The following CDH6 variants were observed in gnomAD, a reference collection of about 807,000 sequenced individuals.
The protein encoded by CDH6 is cadherin 6.
In CDH6, 31 loss-of-function variants were observed where a neutral mutation model predicts 78.0. The observed-to-expected ratio is 0.40, with a 90% CI of 0.30 to 0.54. The LOEUF (loss-of-function observed/expected upper bound fraction) is 0.54, where lower values mean the gene tolerates loss of function less well. Among genes scored for constraint, CDH6 ranks in the 20% least tolerant of loss-of-function variants. The probability of loss-of-function intolerance (pLI) is 0.56; values close to 1 mark genes in which losing one functional copy is unlikely to be tolerated. For missense variants in CDH6, 724 were observed against 975.9 expected (o/e 0.74, Z 3.44); for synonymous variants, 376 against 368.8 (o/e 1.02, Z -0.23).
intron 6 of CDH6, among the ~76,000 whole-genome samples, chr5:31,302,904 AAAG>A (rs1459647828): frequency 3.0e-5 from 1 of 33,154 alleles, no homozygotes; most frequent in African/African-American, 1.4e-4. Context: ...AGAAAGAAAA[AAAG>A]AAAGAAAGAA....
intron 2 of CDH6, among the ~76,000 whole-genome samples, chr5:31,274,084 A>G (rs1460706892): frequency 3.3e-5 from 5 of 152,212 alleles, no homozygotes; most frequent in South Asian, 2.1e-4. Flanking sequence ...TTATGTTTCT[A>G]TGAGTTAGCA....
intron 1 of CDH6, among the ~76,000 whole-genome samples, chr5:31,240,155 C>T (rs954889250): frequency 6.6e-6 from 1 of 152,102 alleles, no homozygotes; most frequent in Non-Finnish European, 1.5e-5. Flanking sequence ...AGATCCATTC[C>T]ACACTTGAGC....
At position 31,267,720 on chromosome 5, in the gene CDH6, C is replaced by T. The variant is rs774215804; in HGVS notation, c.228+19C>T. The T allele has an allele frequency of 1.9e-6, 3 of 1,570,574 alleles. No individual in the cohort carries two copies. Among genetic ancestry groups the T allele is most frequent in the Non-Finnish European group, 2.6e-6 (3 of 1,140,492 alleles). On this transcript the variant is annotated intron_variant, in intron 2 of 11. Transcript: ENST00000265071. The stretch of plus-strand genomic sequence containing the variant: ...GGGCAAGGTAGGATTCCTTTGAGTG[C>T]TTTGACATTCTGGGTTTAAAGCCTG...
In CDH6 at chr5:31,305,655, G is replaced by T. The variant is rs1185163333; in HGVS notation, c.1253+228G>T. ...TTTATCCCTGGGGGATTGGTTCCAG[G>T]CCCACCCCCATATTAAAATTCACAA... On this transcript the variant is annotated intron_variant, in intron 7 of 11. Transcript: ENST00000265071. Among the ~76,000 whole-genome samples the T allele has an allele frequency of 4.6e-5, 7 of 151,944 alleles. No individual in the cohort carries two copies. The East Asian group carries it at 1.4e-3, about 29-fold the overall frequency.
chr5:31,292,936 T>C (rs1230504109), intron 2 of CDH6, among the ~76,000 whole-genome samples: 4 of 150,890 alleles, frequency 2.7e-5, no homozygotes, highest in Admixed American at 2.6e-4. Context: ...CATCTAAAGG[T>C]ATCATCTAAC....
In CDH6 at chr5:31,261,875, C is replaced by A. The variant is rs115397114; in HGVS notation, c.-128-5471C>A. Among the ~76,000 whole-genome samples, 1,407 of 152,186 alleles carry A rather than the reference C, an allele frequency of 9.2e-3. 21 individuals are homozygous for A. Among genetic ancestry groups the A allele is most frequent in the African/African-American group, 0.032 (1,314 of 41,510 alleles). On this transcript the variant is annotated intron_variant, in intron 1 of 11. Transcript: ENST00000265071. ...AACCAGATAATACATTTGAGTCATT[C>A]AAACTGCTATCAAACATGTCACCAG... is the stretch of plus-strand genomic sequence containing the variant.
chr5:31,323,341 T>C lies in CDH6; in HGVS notation c.*33T>C. ...CCTTTTTCATTTTCCAATACGACAC[T>C]GAAATATGTGAAGTGGCTATTTCTT... On this transcript the variant is annotated 3_prime_UTR_variant, in exon 12 of 12. Transcript: ENST00000265071. 1 of 1,582,298 alleles carries C rather than the reference T, an allele frequency of 6.3e-7. No individual in the cohort carries two copies. The highest frequency in any genetic ancestry group is 8.6e-7 in the Non-Finnish European group (1 of 1,160,488).
rs2149963871 is a variant in CDH6, at chr5:31,326,636, A to G, written c.*3328A>G. The G allele has an allele frequency of 6.5e-6, 1 of 154,880 alleles. No individual in the cohort carries two copies. Among genetic ancestry groups the G allele is most frequent in the Middle Eastern group, 2.6e-3 (1 of 378 alleles). 9.6% of individuals were successfully genotyped at this position (154,880 alleles called of 1,614,324 possible). ...ACGCAGTATAAAAAACGTGTGGTTT[A>G]GTTTTTATTTTCAGCTCCCAAAGAG... On this transcript the variant is annotated 3_prime_UTR_variant, in exon 12 of 12. Coordinates refer to ENST00000265071, the MANE Select transcript of CDH6 (RefSeq NM_004932.4).
intron 7 of CDH6, among the ~76,000 whole-genome samples, chr5:31,311,225 C>T (rs1028394416): frequency 1.2e-4 from 19 of 152,308 alleles, no homozygotes; most frequent in African/African-American, 2.9e-4. Context: ...TCATCTCTCT[C>T]GAGTTCAAAG....
At chr5:31,217,004 C>T (rs1443584774) in intron 1 of CDH6, among the ~76,000 whole-genome samples, 1 of 152,058 alleles carries the variant, frequency 6.6e-6, no homozygotes, top group Non-Finnish European at 1.5e-5. Flanking sequence ...GTTGTGCTCT[C>T]TGAGCAGAGG....
intron 8 of CDH6, among the ~76,000 whole-genome samples, chr5:31,315,360 C>T (rs1738288870): frequency 6.6e-6 from 1 of 152,160 alleles, no homozygotes; most frequent in Non-Finnish European, 1.5e-5. Context: ...GTATTAGATG[C>T]TCACTAAATA....
intron 2 of CDH6, among the ~76,000 whole-genome samples, chr5:31,291,386 A>G (rs961999962): frequency 2.6e-5 from 4 of 152,236 alleles, no homozygotes; most frequent in African/African-American, 9.6e-5. Flanking sequence ...TTTGTAATCT[A>G]TAAGACCCAT....
chr5:31,293,129 GTCATCAGAGTC>G (rs1371380657), intron 2 of CDH6, among the ~76,000 whole-genome samples: 1 of 151,842 alleles, frequency 6.6e-6, no homozygotes, highest in East Asian at 1.9e-4. Flanking sequence ...CTGACAGTTA[GTCATCAGAGTC>G]TCTGCTTGAT....
chr5:31,321,438 A>G (rs1738476085), intron 11 of CDH6, among the ~76,000 whole-genome samples: 1 of 152,166 alleles, frequency 6.6e-6, no homozygotes, highest in Non-Finnish European at 1.5e-5. Flanking sequence ...CTGAATTTGA[A>G]TTGCATGTAC....
intron 3 of CDH6, among the ~76,000 whole-genome samples, chr5:31,296,235 A>T (rs1044594577): frequency 2.0e-5 from 3 of 152,204 alleles, no homozygotes; most frequent in Admixed American, 2.0e-4. Flanking sequence ...TGATACAAAT[A>T]ACAAAAAACA....
intron 2 of CDH6, among the ~76,000 whole-genome samples, chr5:31,290,683 C>A (rs756643506): frequency 6.6e-6 from 1 of 152,106 alleles, no homozygotes; most frequent in Non-Finnish European, 1.5e-5. Context: ...AAGAAAAGAA[C>A]TGGCCCCAGG....
chr5:31,314,768 T>C (rs1738259858), intron 8 of CDH6, among the ~76,000 whole-genome samples: 1 of 152,176 alleles, frequency 6.6e-6, no homozygotes, highest in Non-Finnish European at 1.5e-5. Flanking sequence ...ACAATGAAAT[T>C]TTATTTTTTA....
In CDH6 at chr5:31,317,375, T is replaced by C. The variant is rs770999293; in HGVS notation, c.1513T>C (p.Leu505=). Residue 505 remains leucine, a splice_region_variant and synonymous_variant, in exon 10 of 12, where the codon TTG becomes CTG. Transcript: ENST00000265071. ...FVCEKAKADQ[L]IQTLHAVDKD... ...GGCAGCGTTTTGGTTTTTCTCTTAG[T>C]TGATTCAGACCCTGCATGCTGTTGA... 2.7e-6 allele frequency: 4 copies of C among 1,495,056 alleles called. No homozygotes were observed. Among genetic ancestry groups the C allele is most frequent in the Admixed American group, 3.9e-5 (2 of 51,922 alleles). 92.6% of individuals were successfully genotyped at this position (1,495,056 alleles called of 1,614,324 possible). A position where few individuals can be genotyped will look rare whatever the true frequency, so the allele number is the denominator to read the frequency against.
At chr5:31,210,445 A>T (rs909893214) in intron 1 of CDH6, among the ~76,000 whole-genome samples, 4 of 152,302 alleles carry the variant, frequency 2.6e-5, no homozygotes, top group Non-Finnish European at 4.4e-5. Context: ...CGGAGGTTGC[A>T]GTGAGCCGAG....
Sources: allele counts gnomAD v4.1 joint callset (sites outside exome capture counted in the v4.1 genomes callset), GRCh38; gene constraint gnomAD v4.1.1; transcripts MANE v1.5; gene names NCBI Gene and HGNC (gene_info 2026-07-23, HGNC 2026-07-21).